The following EXOC4 variants were observed in gnomAD, a reference collection of about 807,000 sequenced individuals.
EXOC4 encodes exocyst complex component 4.
A neutral mutation model predicts 107.2 loss-of-function variants in EXOC4; 71 were observed. That is an observed-to-expected ratio of 0.66 (90% confidence interval 0.55 to 0.81). EXOC4 has a LOEUF of 0.81. Ranked by LOEUF, EXOC4 falls within the 30% of genes least tolerant of loss-of-function variation. The pLI, the probability that EXOC4 is intolerant of heterozygous loss-of-function variation, is 0.00. For synonymous variants in EXOC4, 456 were observed against 441.2 expected (o/e 1.03, Z -0.42); for missense variants, 1,108 against 1,189.6 (o/e 0.93, Z 1.01).
At chr7:134,006,771 A>G (rs1363123153) in intron 16 of EXOC4, among the ~76,000 whole-genome samples, 1 of 152,244 alleles carries the variant, frequency 6.6e-6, no homozygotes, top group Non-Finnish European at 1.5e-5. Context: ...AAGAAGGAAG[A>G]AACGTTTACT....
At chr7:133,374,625 C>G (rs959461467) in intron 6 of EXOC4, among the ~76,000 whole-genome samples, 1 of 152,130 alleles carries the variant, frequency 6.6e-6, no homozygotes, top group African/African-American at 2.4e-5. Context: ...CATGTTATAG[C>G]AGAGGAAACT....
chr7:134,026,358 C>CT (rs1365676754), intron 17 of EXOC4, among the ~76,000 whole-genome samples: 1 of 151,594 alleles, frequency 6.6e-6, no homozygotes, highest in Non-Finnish European at 1.5e-5. Context: ...TTGATGGGCT[C>CT]TGTCTATTTC....
In EXOC4 at chr7:133,786,313, C is replaced by G. The variant is rs77591395; in HGVS notation, c.1515-31012C>G. Among the ~76,000 whole-genome samples the G allele has an allele frequency of 2.3e-3, 356 of 152,294 alleles. 5 individuals carry two copies. The highest frequency in any genetic ancestry group is 8.0e-3 in the African/African-American group (332 of 41,558). On this transcript the variant is annotated intron_variant, in intron 10 of 17. Transcript: ENST00000253861. ...GCTAACTCCCAAGCCCCAGGTCTCT[C>G]ACTTTGGCCAGGGGTCTGCTGATAC... is the stretch of plus-strand genomic sequence containing the variant.
At chr7:133,942,907 CT>C (rs1194657535) in intron 14 of EXOC4, among the ~76,000 whole-genome samples, 1 of 152,118 alleles carries the variant, frequency 6.6e-6, no homozygotes, top group East Asian at 1.9e-4. Flanking sequence ...TAATTTGCCA[CT>C]CTCTATTTTT....
chr7:133,569,423 T>C (rs1329617968), intron 9 of EXOC4, among the ~76,000 whole-genome samples: 4 of 152,160 alleles, frequency 2.6e-5, no homozygotes, highest in Non-Finnish European at 5.9e-5. Context: ...AATGTGTAAG[T>C]TGACATAATC....
chr7:133,518,691 A>G (rs1222874199), intron 9 of EXOC4, among the ~76,000 whole-genome samples: 1 of 152,226 alleles, frequency 6.6e-6, no homozygotes, highest in African/African-American at 2.4e-5. Context: ...AACACATGCT[A>G]CAACATGGAT....
At chr7:133,509,803 G>T (rs1440539484) in intron 9 of EXOC4, among the ~76,000 whole-genome samples, 2 of 152,150 alleles carry the variant, frequency 1.3e-5, no homozygotes, top group Non-Finnish European at 2.9e-5. Flanking sequence ...TTAATGAGGG[G>T]TGTCTCTTTA....
chr7:133,868,232 T>C (rs1798682292), intron 11 of EXOC4, among the ~76,000 whole-genome samples: 1 of 152,182 alleles, frequency 6.6e-6, no homozygotes. Flanking sequence ...AAACCTCCAA[T>C]GTCAGTATGT....
At chr7:134,086,846 A>G in the EXOC4 span, among the ~76,000 whole-genome samples, 1 of 152,232 alleles carries the variant, frequency 6.6e-6, no homozygotes, top group African/African-American at 2.4e-5. Flanking sequence ...GATATGCTAA[A>G]CAAGGAGTAG....
rs1216864032 is a variant in EXOC4, at chr7:133,254,250, G to A, written c.86+1063G>A. The stretch of plus-strand genomic sequence containing the variant: ...ACATCTTATGGGTCTTATTTAGGAG[G>A]CTTTAAGATTATGGCCTATTAAATC... On this transcript the variant is annotated intron_variant, in intron 1 of 17. Coordinates refer to ENST00000253861, the MANE Select transcript of EXOC4 (RefSeq NM_021807.4). 2.0e-5 allele frequency among the ~76,000 whole-genome samples: 3 copies of A among 152,130 alleles called. No homozygotes were observed. In the East Asian group the frequency reaches 5.8e-4, roughly 29 times the overall value.
At chr7:133,855,042 T>TATATATGTAA (rs1554409707) in intron 11 of EXOC4, among the ~76,000 whole-genome samples, 155 of 75,718 alleles carry the variant, frequency 2.0e-3, no homozygotes, top group Middle Eastern at 0.014. Flanking sequence ...TCTAAATATA[T>TATATATGTAA]ATATATCTAA....
intron 9 of EXOC4, among the ~76,000 whole-genome samples, chr7:133,626,769 C>G (rs1802467183): frequency 6.6e-6 from 1 of 152,134 alleles, no homozygotes; most frequent in Admixed American, 6.6e-5. Context: ...TCTAGTGACT[C>G]TGACGTTTTA....
chr7:133,481,897 G>C (rs1278773154), intron 9 of EXOC4, among the ~76,000 whole-genome samples: 1 of 152,166 alleles, frequency 6.6e-6, no homozygotes, highest in Admixed American at 6.5e-5. Flanking sequence ...AGGAGAAGAG[G>C]CTAGGCTGCC....
At chr7:133,991,068 C>CCA (rs1209984001) in intron 14 of EXOC4, among the ~76,000 whole-genome samples, 2 of 152,168 alleles carry the variant, frequency 1.3e-5, no homozygotes, top group Admixed American at 1.3e-4. Flanking sequence ...TCTTCCTTCT[C>CCA]CACATCCTCA....
At chr7:133,363,003 G>A (rs1309342792) in intron 6 of EXOC4, among the ~76,000 whole-genome samples, 2 of 152,150 alleles carry the variant, frequency 1.3e-5, no homozygotes, top group South Asian at 2.1e-4. Flanking sequence ...ACCTGGACAT[G>A]CTTGGAATCA....
At chr7:133,344,092 C>T (rs910604933) in intron 5 of EXOC4, among the ~76,000 whole-genome samples, 1 of 152,178 alleles carries the variant, frequency 6.6e-6, no homozygotes, top group Non-Finnish European at 1.5e-5. Flanking sequence ...ACTGGGATTA[C>T]AGGCATGAGC....
chr7:133,467,790 A>T (rs1044787750), intron 7 of EXOC4, among the ~76,000 whole-genome samples: 1 of 151,720 alleles, frequency 6.6e-6, no homozygotes, highest in African/African-American at 2.4e-5. Flanking sequence ...ACATTCTAAG[A>T]TTCAATTTAT....
intron 9 of EXOC4, among the ~76,000 whole-genome samples, chr7:133,585,363 G>C (rs2432637): frequency 6.6e-6 from 1 of 151,920 alleles, no homozygotes; most frequent in African/African-American, 2.4e-5. Context: ...TTCTGATCTC[G>C]GTCCCTTTTG....
chr7:133,305,224 A>G (rs1170746003), intron 3 of EXOC4, among the ~76,000 whole-genome samples: 1 of 151,988 alleles, frequency 6.6e-6, no homozygotes, highest in Admixed American at 6.6e-5. Flanking sequence ...CTCCCAAACC[A>G]CTTTGCACCG....
Sources: allele counts gnomAD v4.1 joint callset (sites outside exome capture counted in the v4.1 genomes callset), GRCh38; gene constraint gnomAD v4.1.1; transcripts MANE v1.5; gene names NCBI Gene and HGNC (gene_info 2026-07-23, HGNC 2026-07-21).